SPOCD1: variants seen among roughly 807,000 people sequenced by gnomAD.
SPOCD1 encodes SPOC domain-containing protein 1.
SPOCD1 carries 64 observed loss-of-function variants against 92.2 expected under a neutral mutation model. The ratio of observed to expected loss-of-function variants is 0.69; its 90% CI spans 0.57 to 0.86. SPOCD1 has a LOEUF of 0.86. Among genes scored for constraint, SPOCD1 ranks in the 40% least tolerant of loss-of-function variants. The probability of loss-of-function intolerance (pLI) is 0.00; values close to 1 mark genes in which losing one functional copy is unlikely to be tolerated. For missense variants in SPOCD1, 1,360 were observed against 1,543.1 expected (o/e 0.88, Z 1.99); for synonymous variants, 578 against 619.3 (o/e 0.93, Z 0.99).
chr1:31,792,499 GTA>G lies in SPOCD1; in HGVS notation c.2776-100_2776-99del, dbSNP rs555788790. ...AAACCCCTGAGAACCCCGTGAGAAA[GTA>G]TGTCTCCATCTTCCAGAGGAGGAAA... is the stretch of plus-strand genomic sequence containing the variant. On this transcript the variant is annotated intron_variant, in intron 14 of 15. Coordinates refer to ENST00000360482, the MANE Select transcript of SPOCD1 (RefSeq NM_144569.7). 5.6e-5 allele frequency: 75 copies of G among 1,350,002 alleles called. No homozygotes were observed. In the South Asian group the frequency reaches 9.6e-4, roughly 17 times the overall value. The allele number at this position is 1,350,002 out of a possible 1,614,324, so 83.6% of individuals were successfully genotyped here. A position where few individuals can be genotyped will look rare whatever the true frequency, so the allele number is the denominator to read the frequency against.
intron 2 of SPOCD1, among the ~76,000 whole-genome samples, chr1:31,813,631 T>C (rs1332268441): frequency 6.6e-6 from 1 of 152,138 alleles, no homozygotes; most frequent in African/African-American, 2.4e-5. Context: ...GCAATTAGTA[T>C]CCTTTTTTTA....
chr1:31,792,681 G>A lies in SPOCD1; in HGVS notation c.2772C>T (p.Ala924=). 6.3e-7 allele frequency: 1 copy of A among 1,598,292 alleles called. No homozygotes were observed. The highest frequency in any genetic ancestry group is 8.5e-7 in the Non-Finnish European group (1 of 1,172,558). The part of the protein sequence containing the change: ...DLLASICPAK[A]KDVCVVRLCP... ...GTGCCCAAGAGTGGGCAGGTACCTT[G>A]GCCTTGGCTGGGCAGATGCTGGCCA... The change falls in exon 14 of 16, where the codon GCC becomes GCT. Residue 924 remains alanine, a synonymous_variant. Coordinates refer to ENST00000360482, the MANE Select transcript of SPOCD1 (RefSeq NM_144569.7).
intron 6 of SPOCD1, 110 bp downstream of exon 6, chr1:31,799,699 G>A (rs1182278477): frequency 1.1e-5 from 15 of 1,372,398 alleles, no homozygotes; most frequent in Non-Finnish European, 1.5e-5. Context: ...CTGATGGGAT[G>A]TGGGGAGAGA....
intron 2 of SPOCD1, among the ~76,000 whole-genome samples, chr1:31,803,216 T>C (rs1156517412): frequency 1.3e-5 from 2 of 151,548 alleles, no homozygotes; most frequent in South Asian, 2.1e-4. Flanking sequence ...TTTAAAGAAA[T>C]AAAAGAAGGA....
chr1:31,799,604 C>T (rs1648292275), intron 6 of SPOCD1, 119 bp from the exon 7 acceptor site: 2 of 1,095,754 alleles, frequency 1.8e-6, no homozygotes, highest in Admixed American at 4.3e-5. Flanking sequence ...AGACCTAGAC[C>T]CCTCCCTCTA....
Position 31,798,652 on chromosome 1 carries a change from G to A in SPOCD1, c.1869-51C>T, listed in dbSNP as rs1382842178. On this transcript the variant is annotated intron_variant, in intron 7 of 15. Transcript: ENST00000360482. This position sits in a 1 kb window ranked among gnomAD's most constrained non-coding sequence, Gnocchi z 4.1. Reference sequence around the variant, plus strand: ...GCACTGAGCCCAGGAGGCTCTCCAGGCACTTAGTCCCAGAGGGAGGCAGCT... The same window carrying A: ...GCACTGAGCCCAGGAGGCTCTCCAGACACTTAGTCCCAGAGGGAGGCAGCT... 6.3e-6 allele frequency: 10 copies of A among 1,583,116 alleles called. No individual in the cohort carries two copies. The highest frequency in any genetic ancestry group is 7.7e-6 in the Non-Finnish European group (9 of 1,166,706).
At chr1:31,811,128 TCATAGAGGAGGCAA>T (rs1269283229) in intron 2 of SPOCD1, among the ~76,000 whole-genome samples, 1 of 152,204 alleles carries the variant, frequency 6.6e-6, no homozygotes, top group African/African-American at 2.4e-5. Context: ...TCTCCCCACT[TCATAGAGGAGGCAA>T]CTCAGATTCA....
intron 2 of SPOCD1, among the ~76,000 whole-genome samples, chr1:31,805,611 C>T (rs1391618981): frequency 1.3e-5 from 2 of 151,780 alleles, no homozygotes; most frequent in Non-Finnish European, 2.9e-5. Context: ...ACCCGTAGTC[C>T]CAGCTACTTG....
intron 3 of SPOCD1, 88 bp from the exon 4 acceptor site, chr1:31,800,705 A>G: frequency 8.5e-7 from 1 of 1,177,486 alleles, no homozygotes; most frequent in Non-Finnish European, 1.2e-6. Flanking sequence ...ATTGTTGAAC[A>G]TCTCTCTCCC....
chr1:31,805,536 G>A (rs1648763989), intron 2 of SPOCD1, among the ~76,000 whole-genome samples: 1 of 152,100 alleles, frequency 6.6e-6, no homozygotes, highest in African/African-American at 2.4e-5. Flanking sequence ...GACCAGCCTG[G>A]CCAACACAGC....
chr1:31,814,689 A>G lies in SPOCD1; in HGVS notation c.645T>C (p.His215=). 1 of 1,587,008 alleles carries G rather than the reference A, an allele frequency of 6.3e-7. No individual in the cohort carries two copies. The highest frequency in any genetic ancestry group is 8.6e-7 in the Non-Finnish European group (1 of 1,167,852). Residue 215 remains histidine, a synonymous_variant, in exon 2 of 16, where the codon CAT becomes CAC. Coordinates refer to ENST00000360482, the MANE Select transcript of SPOCD1 (RefSeq NM_144569.7). This position sits in a 1 kb window ranked among gnomAD's most constrained non-coding sequence, Gnocchi z 4.2. ...CACCAGCCCCTTCCTCACACTCTGA[A>G]TGAGCCCCTTGCCTCCTCCATTTCT... ...VRKKWRRQGA[H]SECEEGAGDF... is the part of the protein sequence containing the mutation.
At chr1:31,794,526 T>G (rs556981070) in intron 10 of SPOCD1, 490 of 225,768 alleles carry the variant, frequency 2.2e-3, no homozygotes, top group Non-Finnish European at 3.3e-3. Context: ...GTTTGTTTGT[T>G]TGTTTTTTGA....
At position 31,814,037 on chromosome 1, in the gene SPOCD1, C is replaced by T; in HGVS notation, c.1297G>A (p.Ala433Thr). The change falls in exon 2 of 16, where the codon GCC becomes ACC. Residue 433 changes from alanine to threonine, a missense_variant. Transcript: ENST00000360482. The surrounding 1 kb of genome is among the most constrained non-coding windows in gnomAD (Gnocchi z 4.2). The stretch of plus-strand genomic sequence containing the variant: ...CTTCTGTCTGTGCCCCGGTCTTGGG[C>T]ACAGGGCACTGGACCTTTCTTCAGG... ...KNLKKGPVPCAQDRGTDRSSD... is the reference protein window; with the variant it reads ...KNLKKGPVPCTQDRGTDRSSD... 2 of 1,612,728 alleles carry T rather than the reference C, an allele frequency of 1.2e-6. No individual in the cohort carries two copies. Among genetic ancestry groups the T allele is most frequent in the South Asian group, 2.2e-5 (2 of 90,602 alleles).
At position 31,792,265 on chromosome 1, in the gene SPOCD1, A is replaced by T. The variant is rs1557814123; in HGVS notation, c.2912T>A (p.Leu971Gln). ...VEHMGMVLLP[L>Q]PAFQPLPTRL... ...GGTGGGCAGGGGCTGGAAGGCAGGCAGGGGCAGCAGGACCATCCCCATGTG... is the reference window on the plus strand; with the variant it reads ...GGTGGGCAGGGGCTGGAAGGCAGGCTGGGGCAGCAGGACCATCCCCATGTG... Residue 971 changes from leucine (L) to glutamine (Q), a missense_variant, in exon 15 of 16, where the codon CTG becomes CAG. Leu to Gln is a moderately radical substitution (Grantham distance 113). Around this residue, in one of 3 missense-constraint regions of SPOCD1, gnomAD observed 614 missense variants for 757.8 expected, o/e 0.81. Coordinates refer to ENST00000360482, the MANE Select transcript of SPOCD1 (RefSeq NM_144569.7). 1 of 1,612,970 alleles carries T rather than the reference A, an allele frequency of 6.2e-7. No individual in the cohort carries two copies. Among genetic ancestry groups the T allele is most frequent in the Non-Finnish European group, 8.5e-7 (1 of 1,179,632 alleles).
intron 2 of SPOCD1, among the ~76,000 whole-genome samples, chr1:31,812,402 T>G (rs1460418743): frequency 6.6e-6 from 1 of 152,088 alleles, no homozygotes; most frequent in Admixed American, 6.6e-5. Context: ...GATGCAGGGC[T>G]CAGGAAAAGA....
intron 15 of SPOCD1, among the ~76,000 whole-genome samples, chr1:31,791,969 T>C (rs777490089): frequency 1.3e-5 from 2 of 152,240 alleles, no homozygotes; most frequent in Non-Finnish European, 2.9e-5. Context: ...AGTCTAATAG[T>C]ACCATTCTCA....
In SPOCD1 at chr1:31,815,531, G is replaced by A. The variant is rs553674930; in HGVS notation, c.-39-159C>T. ...ACTCCAGGGAGGGGAGCACCCAGCAGGAGCTGGTGTCCTGGGTGAGGGTGG... is the reference window on the plus strand; with the variant it reads ...ACTCCAGGGAGGGGAGCACCCAGCAAGAGCTGGTGTCCTGGGTGAGGGTGG... On this transcript the variant is annotated intron_variant, in intron 1 of 15. Coordinates refer to ENST00000360482, the MANE Select transcript of SPOCD1 (RefSeq NM_144569.7). 3.3e-5 allele frequency among the ~76,000 whole-genome samples: 5 copies of A among 152,340 alleles called. No individual in the cohort carries two copies. The East Asian group carries it at 5.8e-4, about 18-fold the overall frequency.
In SPOCD1 at chr1:31,798,308, C is replaced by T. The variant is rs770158498; in HGVS notation, c.2044G>A (p.Val682Met). The T allele has an allele frequency of 6.2e-7, 1 of 1,613,688 alleles. No homozygotes were observed. Among genetic ancestry groups the T allele is most frequent in the South Asian group, 1.1e-5 (1 of 91,058 alleles). The part of the protein sequence containing the change: ...DPRNLDLFLK[V>M]VHGDVTPYDL... ...TAGGGGGTGACATCTCCATGAACCA[C>T]TTTGAGAAACAAGTCCTGGTGGGGG... Residue 682 changes from valine to methionine, a missense_variant, in exon 9 of 16, where the codon GTG becomes ATG. Physicochemically the swap from Val to Met is conservative, Grantham distance 21 (BLOSUM62 1). Around this residue, in one of 3 missense-constraint regions of SPOCD1, gnomAD observed 614 missense variants for 757.8 expected, o/e 0.81. Coordinates refer to ENST00000360482, the MANE Select transcript of SPOCD1 (RefSeq NM_144569.7). The surrounding 1 kb of genome is among the most constrained non-coding windows in gnomAD (Gnocchi z 4.1).
intron 14 of SPOCD1, 105 bp from the exon 15 acceptor site, chr1:31,792,506 T>C: frequency 7.6e-7 from 1 of 1,318,978 alleles, no homozygotes; most frequent in Non-Finnish European, 1.0e-6. Flanking sequence ...AAAGTATGTC[T>C]CCATCTTCCA....
Sources: allele counts gnomAD v4.1 joint callset (sites outside exome capture counted in the v4.1 genomes callset), GRCh38; gene constraint gnomAD v4.1.1; regional missense constraint gnomAD v4.1.1; non-coding constraint Gnocchi (gnomAD v3.1); transcripts MANE v1.5; gene names NCBI Gene and HGNC (gene_info 2026-07-23, HGNC 2026-07-21).